The following KMT2C variants were observed in gnomAD, a reference collection of about 807,000 sequenced individuals.
KMT2C encodes lysine methyltransferase 2C.
Under a neutral mutation model 507.9 loss-of-function variants are expected in KMT2C, and 88 were observed. The observed-to-expected ratio is 0.17, with a 90% CI of 0.15 to 0.21. KMT2C has a LOEUF of 0.21. KMT2C is among the 10% of genes least tolerant of loss of function. The pLI is 1.00. For synonymous variants in KMT2C, 2,049 were observed against 2,080.8 expected, an observed-to-expected ratio of 0.98 and a Z score of 0.42; for missense variants, 4,954 against 5,957.8, an observed-to-expected ratio of 0.83 and a Z score of 5.55.
intron 1 of KMT2C, among the ~76,000 whole-genome samples, chr7:152,361,505 G>C (rs565688574): frequency 9.2e-5 from 14 of 152,248 alleles, no homozygotes; most frequent in African/African-American, 3.1e-4. Flanking sequence ...AGAGGTTGCG[G>C]TGAGCTGAGA....
intron 9 of KMT2C, among the ~76,000 whole-genome samples, chr7:152,261,322 A>G (rs2129171599): frequency 6.6e-6 from 1 of 152,332 alleles, no homozygotes; most frequent in Non-Finnish European, 1.5e-5. Context: ...TACTTGCTAA[A>G]TAACAGCCAC....
At chr7:152,363,037 TAATC>T (rs2097209425) in intron 1 of KMT2C, among the ~76,000 whole-genome samples, 1 of 152,210 alleles carries the variant, frequency 6.6e-6, no homozygotes, top group Non-Finnish European at 1.5e-5. Context: ...CTTTTCTGAC[TAATC>T]AAACACTATA....
chr7:152,435,251 C>A (rs931973590), intron 1 of KMT2C, among the ~76,000 whole-genome samples: 1 of 152,048 alleles, frequency 6.6e-6, no homozygotes, highest in Non-Finnish European at 1.5e-5. Flanking sequence ...CGGAGTCCGT[C>A]CGGGGACTAC....
chr7:152,199,132 C>A, intron 27 of KMT2C, 147 bp downstream of exon 27: 1 of 608,856 alleles, frequency 1.6e-6, no homozygotes, highest in South Asian at 2.4e-5. Context: ...TAAAATAGTT[C>A]CACTTACTGA....
intron 7 of KMT2C, 141 bp downstream of exon 7, chr7:152,273,564 G>A (rs2096016705): frequency 2.5e-5 from 22 of 869,378 alleles, no homozygotes; most frequent in Non-Finnish European, 3.4e-5. Flanking sequence ...AGCGATCCCT[G>A]GCAACGATCC....
Position 152,352,767 on chromosome 7 carries a change from T to C in KMT2C, c.250+5820A>G, listed in dbSNP as rs543176850. On this transcript the variant is annotated intron_variant, in intron 2 of 58. Coordinates refer to ENST00000262189, the MANE Select transcript of KMT2C (RefSeq NM_170606.3). ...TAGAAGTCCTTAGAGAATAGCTGAT[T>C]TCATACCTTGTGGCAGGGAGAATTT... is the stretch of plus-strand genomic sequence containing the variant. 9.2e-5 allele frequency among the ~76,000 whole-genome samples: 14 copies of C among 152,294 alleles called. 1 individual carries two copies. The South Asian group carries it at 2.9e-3, about 32-fold the overall frequency.
rs141305805 is a variant in KMT2C, at chr7:152,176,996, G to A, written c.8457C>T (p.Thr2819=). The part of the protein sequence containing the change: ...KHSPQKKSTV[T]NEVKTEVLSP... ...ACAGTACTTCCGTTTTTACCTCATTGGTAACAGTGGATTTTTTCTGTGGTG... is the reference window on the plus strand; with the variant it reads ...ACAGTACTTCCGTTTTTACCTCATTAGTAACAGTGGATTTTTTCTGTGGTG... Residue 2819 remains threonine, a synonymous_variant, in exon 38 of 59, where the codon ACC becomes ACT. Coordinates refer to ENST00000262189, the MANE Select transcript of KMT2C (RefSeq NM_170606.3). 183 of 1,613,748 alleles carry A rather than the reference G, an allele frequency of 1.1e-4. No individual in the cohort carries two copies. The highest frequency in any genetic ancestry group is 1.2e-4 in the Non-Finnish European group (143 of 1,179,908).
At chr7:152,194,942 C>T (rs1314674375) in intron 28 of KMT2C, among the ~76,000 whole-genome samples, 1 of 151,224 alleles carries the variant, frequency 6.6e-6, no homozygotes, top group Non-Finnish European at 1.5e-5. Context: ...ATGTACAGTT[C>T]AATTATTATG....
intron 3 of KMT2C, among the ~76,000 whole-genome samples, chr7:152,324,710 T>C (rs1024976093): frequency 1.3e-5 from 2 of 152,014 alleles, no homozygotes; most frequent in East Asian, 1.9e-4. Flanking sequence ...ACTTCAGACC[T>C]ACATGGAGTC....
intron 1 of KMT2C, among the ~76,000 whole-genome samples, chr7:152,418,946 C>G (rs2097762557): frequency 6.6e-6 from 1 of 151,628 alleles, no homozygotes; most frequent in Non-Finnish European, 1.5e-5. Flanking sequence ...ATAATTTCGG[C>G]ACTTTGAAAG....
Position 152,187,761 on chromosome 7 carries a change from G to C in KMT2C, c.4747C>G (p.Leu1583Val), listed in dbSNP as rs771727054. Residue 1583 changes from leucine to valine, a missense_variant, in exon 32 of 59, where the codon CTG becomes GTG. Physicochemically the swap from Leu to Val is conservative, Grantham distance 32. This residue lies in a region of KMT2C where 195 missense variants were observed against 183.7 expected (regional missense o/e 1.06). Transcript: ENST00000262189. Reference protein sequence around the residue: ...PHNSLPPGSGLGTFSAIAQSS... With the variant: ...PHNSLPPGSGVGTFSAIAQSS... The stretch of plus-strand genomic sequence containing the variant: ...TGTGCAATTGCAGAGAAAGTTCCCA[G>C]TCCGCTTCCAGGTGGCAAAGAATTA... 1.2e-5 allele frequency: 20 copies of C among 1,613,960 alleles called. No individual in the cohort carries two copies. Among genetic ancestry groups the C allele is most frequent in the Non-Finnish European group, 1.4e-5 (17 of 1,179,974 alleles).
rs115601497 is a variant in KMT2C at position 152,345,873 on chromosome 7, C to A, written c.250+12714G>T. ...CAAGTACATATTGTCTACAAAAAAA[C>A]CCCACTTTAACTATAATATAAAGAT... On this transcript the variant is annotated intron_variant, in intron 2 of 58. Transcript: ENST00000262189. 8.1e-3 allele frequency among the ~76,000 whole-genome samples: 1,237 copies of A among 152,032 alleles called. 19 individuals are homozygous for A. Among genetic ancestry groups the A allele is most frequent in the African/African-American group, 0.029 (1,191 of 41,462 alleles).
intron 2 of KMT2C, among the ~76,000 whole-genome samples, chr7:152,353,583 T>C (rs924117848): frequency 6.6e-6 from 1 of 152,034 alleles, no homozygotes; most frequent in African/African-American, 2.4e-5. Context: ...CTGCAACTGG[T>C]GTCTCCCGGG....
At position 152,160,647 on chromosome 7, in the gene KMT2C, A is replaced by T. The variant is rs1017616927; in HGVS notation, c.11460+1470T>A. Among the ~76,000 whole-genome samples, 8 of 147,580 alleles carry T rather than the reference A, an allele frequency of 5.4e-5. No individual in the cohort carries two copies. The East Asian group carries it at 7.8e-4, about 14-fold the overall frequency. On this transcript the variant is annotated intron_variant, in intron 43 of 58. Transcript: ENST00000262189. The stretch of plus-strand genomic sequence containing the variant: ...TATATTTATATATTTATATTTATAT[A>T]TATATTTATATATAGATGTATATAT...
intron 14 of KMT2C, among the ~76,000 whole-genome samples, chr7:152,246,143 G>C (rs1400979767): frequency 6.6e-6 from 1 of 152,156 alleles, no homozygotes; most frequent in Non-Finnish European, 1.5e-5. Flanking sequence ...ACCAATGGAA[G>C]ATCTATCTTG....
intron 1 of KMT2C, chr7:152,367,011 T>A: frequency 1.7e-6 from 1 of 585,006 alleles, no homozygotes; most frequent in East Asian, 3.0e-5. Context: ...TTGCCTCACC[T>A]GAGCCTGGGC....
At chr7:152,234,628 T>C (rs2095225717) in intron 16 of KMT2C, among the ~76,000 whole-genome samples, 1 of 152,048 alleles carries the variant, frequency 6.6e-6, no homozygotes, top group African/African-American at 2.4e-5. Flanking sequence ...GGCTGGGGCA[T>C]GGTGACTCAC....
At chr7:152,249,673 C>CAAAAAAAAAAAAAAAAAAAAAAAA (rs1183345172) in intron 13 of KMT2C, among the ~76,000 whole-genome samples, 2 of 34,516 alleles carry the variant, frequency 5.8e-5, no homozygotes, top group African/African-American at 1.3e-4. Context: ...CTCCCCCCTC[C>CAAAAAAAAAAAAAAAAAAAAAAAA]AAAAAAAAAA....
At chr7:152,424,425 T>C (rs1022236896) in intron 1 of KMT2C, among the ~76,000 whole-genome samples, 1 of 152,134 alleles carries the variant, frequency 6.6e-6, no homozygotes, top group African/African-American at 2.4e-5. Context: ...AATCTTTTTT[T>C]TGTGTGTGAG....
Sources: gnomAD v4.1 joint callset for allele counts (sites outside exome capture counted in the v4.1 genomes callset) on GRCh38, gnomAD v4.1.1 for gene constraint, gnomAD v4.1.1 regional missense constraint, MANE v1.5 for transcripts, NCBI Gene and HGNC (gene_info 2026-07-23, HGNC 2026-07-21) for gene names.